Variants in ZNF337 observed in about 807,000 individuals in gnomAD.
ZNF337 encodes zinc finger protein 337.
A neutral mutation model predicts 12.1 loss-of-function variants in ZNF337; 8 were observed. The ratio of observed to expected loss-of-function variants is 0.66; its 90% CI spans 0.39 to 1.19. ZNF337 has a LOEUF of 1.19. Ranked by LOEUF, ZNF337 falls within the 50% of genes most tolerant of loss-of-function variation. The pLI is 0.01. For synonymous variants in ZNF337, 336 were observed against 320.0 expected (o/e 1.05, Z -0.53); for missense variants, 882 against 896.6 (o/e 0.98, Z 0.21).
chr20:25,676,553 G>A lies in ZNF337; in HGVS notation c.735C>T (p.Phe245=), dbSNP rs1478047638. ...SYVCSVCGRG[F]SLKANLLRHQ... ...GTCTGAGGAGGTTGGCCTTGAGGCT[G>A]AAGCCTCGCCCACACACACTGCACA... The change falls in exon 5 of 5, where the codon TTC becomes TTT. Residue 245 remains phenylalanine (F), a synonymous_variant. Transcript: ENST00000252979. 5.0e-6 allele frequency: 8 copies of A among 1,611,826 alleles called. No homozygotes were observed. Among genetic ancestry groups the A allele is most frequent in the Non-Finnish European group, 6.8e-6 (8 of 1,179,296 alleles).
chr20:25,678,612 T>C (rs2065733770), intron 4 of ZNF337, among the ~76,000 whole-genome samples: 1 of 152,074 alleles, frequency 6.6e-6, no homozygotes, highest in African/African-American at 2.4e-5. Context: ...CAAAATATAA[T>C]ACAAAGCTAG....
At position 25,676,157 on chromosome 20, in the gene ZNF337, C is replaced by G. The variant is rs144619741; in HGVS notation, c.1131G>C (p.Ala377=). 6.2e-6 allele frequency: 10 copies of G among 1,610,362 alleles called. No homozygotes were observed. The highest frequency in any genetic ancestry group is 3.3e-4 in the Middle Eastern group (2 of 6,046). The part of the protein sequence containing the change: ...QRTHSGEKPF[A]CRQCKQSFSV... ...TAAAACTTTGCTTACACTGCCTGCA[C>G]GCAAAGGGCTTCTCCCCTGAGTGTG... The change falls in exon 5 of 5, where the codon GCG becomes GCC. Residue 377 remains alanine, a synonymous_variant. Coordinates refer to ENST00000252979, the MANE Select transcript of ZNF337 (RefSeq NM_015655.4).
In ZNF337 at chr20:25,676,491, C is replaced by A; in HGVS notation, c.797G>T (p.Cys266Phe). ...RTHSGEKPFLCKVCGRGYTSK... is the reference protein window; with the variant it reads ...RTHSGEKPFLFKVCGRGYTSK... ...GGTATAGCCTCGTCCACACACCTTG[C>A]ACAGAAAAGGCTTCTCTCCTGAGTG... The change falls in exon 5 of 5, where the codon TGC becomes TTC. Residue 266 changes from cysteine to phenylalanine, a missense_variant. Transcript: ENST00000252979. 1 of 1,614,028 alleles carries A rather than the reference C, an allele frequency of 6.2e-7. No individual in the cohort carries two copies. Among genetic ancestry groups the A allele is most frequent in the Non-Finnish European group, 8.5e-7 (1 of 1,179,988 alleles).
In ZNF337 at chr20:25,686,130, A is replaced by C. The variant is rs1206668553; in HGVS notation, c.28-8T>G. On this transcript the variant is annotated splice_region_variant and splice_polypyrimidine_tract_variant and intron_variant, in intron 2 of 4. Transcript: ENST00000252979. The stretch of plus-strand genomic sequence containing the variant: ...CCCAAATGCCAAGAAAGCCTGTAAC[A>C]CAAAACCCAGGCATGCTCACCAGGG... 1.9e-6 allele frequency: 3 copies of C among 1,613,758 alleles called. No homozygotes were observed. The highest frequency in any genetic ancestry group is 2.5e-6 in the Non-Finnish European group (3 of 1,179,922).
chr20:25,694,936 T>A (rs1056243554), intron 1 of ZNF337, among the ~76,000 whole-genome samples: 1 of 152,218 alleles, frequency 6.6e-6, no homozygotes, highest in African/African-American at 2.4e-5. Context: ...TCCATTAATG[T>A]AGCCAGACCT....
chr20:25,680,343 T>C (rs1055385579), intron 4 of ZNF337, among the ~76,000 whole-genome samples: 4 of 152,068 alleles, frequency 2.6e-5, no homozygotes, highest in Non-Finnish European at 5.9e-5. Context: ...TATGCATATA[T>C]CAAAATACCA....
chr20:25,676,667 A>C lies in ZNF337; in HGVS notation c.621T>G (p.Leu207=), dbSNP rs2065698842. Residue 207 remains leucine (L), a synonymous_variant, in exon 5 of 5, where the codon CTT becomes CTG. Transcript: ENST00000252979. ...IHKKAHSRQK[L]FTCRECHQGF... The stretch of plus-strand genomic sequence containing the variant: ...CCTGGTGACACTCCCTGCATGTAAA[A>C]AGTTTCTGCCTGGAATGTGCTTTTT... 2.5e-6 allele frequency: 4 copies of C among 1,614,170 alleles called. No individual in the cohort carries two copies. The highest frequency in any genetic ancestry group is 3.4e-6 in the Non-Finnish European group (4 of 1,180,034).
chr20:25,687,459 C>T (rs1213317109), intron 1 of ZNF337, among the ~76,000 whole-genome samples: 1 of 152,002 alleles, frequency 6.6e-6, no homozygotes, highest in Non-Finnish European at 1.5e-5. Context: ...AAAACACAGA[C>T]ATATAGGGGT....
intron 1 of ZNF337, among the ~76,000 whole-genome samples, chr20:25,696,428 C>A (rs1392211297): frequency 6.6e-6 from 1 of 152,200 alleles, no homozygotes; most frequent in African/African-American, 2.4e-5. Flanking sequence ...CCGTCCCCAC[C>A]CGAGGAGCGG....
Position 25,674,955 on chromosome 20 carries a change from G to C in ZNF337, c.*77C>G. On this transcript the variant is annotated 3_prime_UTR_variant, in exon 5 of 5. Coordinates refer to ENST00000252979, the MANE Select transcript of ZNF337 (RefSeq NM_015655.4). ...TGTTATATCTTCACGAACAAGTTAT[G>C]CAGCCTCAACTAAAGCTTGTAACAA... 7.4e-7 allele frequency: 1 copy of C among 1,347,698 alleles called. No homozygotes were observed. The highest frequency in any genetic ancestry group is 1.4e-5 in the African/African-American group (1 of 69,078). The allele number at this position is 1,347,698 out of a possible 1,614,324, so 83.5% of individuals were successfully genotyped here.
intron 4 of ZNF337, among the ~76,000 whole-genome samples, chr20:25,679,907 T>C (rs763147497): frequency 1.3e-5 from 2 of 152,180 alleles, no homozygotes; most frequent in African/African-American, 2.4e-5. Context: ...TAAATGTCCA[T>C]CAATGGTTGA....
intron 1 of ZNF337, 108 bp downstream of exon 1, chr20:25,696,651 G>T: frequency 1.3e-6 from 1 of 794,472 alleles, no homozygotes; most frequent in African/African-American, 1.9e-5. Flanking sequence ...GCCTGGAGGA[G>T]CGCGCGCTAC....
chr20:25,674,714 G>T lies in ZNF337; in HGVS notation c.*318C>A. 3.0e-6 allele frequency: 1 copy of T among 334,816 alleles called. No individual in the cohort carries two copies. The highest frequency in any genetic ancestry group is 5.5e-6 in the Non-Finnish European group (1 of 181,208). The allele number at this position is 334,816 out of a possible 1,614,324, so 20.7% of individuals were successfully genotyped here. ...TTGGTATCCCTGCTCTGCAGTCACT[G>T]GCTAAGAGCAGTCCTTAGAAAGCAC... is the stretch of plus-strand genomic sequence containing the variant. On this transcript the variant is annotated 3_prime_UTR_variant, in exon 5 of 5. Transcript: ENST00000252979.
intron 1 of ZNF337, chr20:25,686,861 A>T: frequency 5.1e-6 from 1 of 197,086 alleles, no homozygotes; most frequent in Non-Finnish European, 1.0e-5. Flanking sequence ...CCACAGGTGC[A>T]GACAAACTTG....
chr20:25,679,272 G>C (rs929187324), intron 4 of ZNF337, among the ~76,000 whole-genome samples: 4 of 152,134 alleles, frequency 2.6e-5, no homozygotes, highest in African/African-American at 9.7e-5. Context: ...CATATTTTAT[G>C]GCTAAGACTT....
chr20:25,684,987 G>T (rs937134130), intron 4 of ZNF337, among the ~76,000 whole-genome samples: 3 of 151,170 alleles, frequency 2.0e-5, no homozygotes, highest in Admixed American at 2.0e-4. Flanking sequence ...GGGGTAGGGG[G>T]CAGGGGAGAG....
At chr20:25,694,709 C>G (rs187920461) in intron 1 of ZNF337, among the ~76,000 whole-genome samples, 1 of 152,262 alleles carries the variant, frequency 6.6e-6, no homozygotes, top group East Asian at 1.9e-4. Flanking sequence ...ACCATAAAAT[C>G]TCATCAGATG....
At chr20:25,681,841 A>G (rs193108609) in intron 4 of ZNF337, among the ~76,000 whole-genome samples, 1 of 152,362 alleles carries the variant, frequency 6.6e-6, no homozygotes, top group Non-Finnish European at 1.5e-5. Context: ...ATTGATATGC[A>G]TGCTGAAGTG....
At position 25,676,052 on chromosome 20, in the gene ZNF337, G is replaced by A; in HGVS notation, c.1236C>T (p.Ser412=). ...KPFVCKDCER[S]FSQKSTLVYH... Reference sequence around the variant, plus strand: ...AGACAAGAGTTGACTTTTGGCTAAAGCTTCGCTCACAATCCTTGCACACAA... The same window carrying A: ...AGACAAGAGTTGACTTTTGGCTAAAACTTCGCTCACAATCCTTGCACACAA... Residue 412 remains serine (S), a synonymous_variant, in exon 5 of 5, where the codon AGC becomes AGT. Transcript: ENST00000252979. 10 of 1,613,738 alleles carry A rather than the reference G, an allele frequency of 6.2e-6. No individual in the cohort carries two copies. The highest frequency in any genetic ancestry group is 8.5e-6 in the Non-Finnish European group (10 of 1,179,906).
Sources: gnomAD v4.1 joint callset for allele counts (sites outside exome capture counted in the v4.1 genomes callset) on GRCh38, gnomAD v4.1.1 for gene constraint, MANE v1.5 for transcripts, NCBI Gene and HGNC (gene_info 2026-07-23, HGNC 2026-07-21) for gene names.